The following EDRF1 variants were observed in gnomAD, a reference collection of about 807,000 sequenced individuals.
EDRF1 encodes erythroid differentiation regulatory factor 1.
EDRF1 carries 69 observed loss-of-function variants against 148.7 expected under a neutral mutation model. The observed-to-expected ratio is 0.46, with a 90% CI of 0.38 to 0.57. The LOEUF is 0.57. Among genes scored for constraint, EDRF1 ranks in the 20% least tolerant of loss-of-function variants. The pLI is 0.00. For synonymous variants in EDRF1, 515 were observed against 532.8 expected (o/e 0.97, Z 0.46); for missense variants, 1,118 against 1,478.7 (o/e 0.76, Z 4.00).
rs544594514 is a variant in EDRF1 at position 125,739,091 on chromosome 10, CT to C, written c.1981+649del. ...TGTATTTCTTTTTCCAACCTTATTTCTTTCCCCCTTTTAAATCAGTTTCAAT... is the reference window on the plus strand; with the variant it reads ...TGTATTTCTTTTTCCAACCTTATTTCTTCCCCCTTTTAAATCAGTTTCAAT... On this transcript the variant is annotated intron_variant, in intron 15 of 24. Transcript: ENST00000356792. 1.6e-4 allele frequency among the ~76,000 whole-genome samples: 24 copies of C among 151,670 alleles called. No individual in the cohort carries two copies. The South Asian group carries it at 4.8e-3, about 30-fold the overall frequency.
At chr10:125,719,942 C>T (rs1306079731) in intron 1 of EDRF1, 27 bp downstream of exon 1, 21 of 1,595,896 alleles carry the variant, frequency 1.3e-5, no homozygotes, top group South Asian at 2.2e-5. Flanking sequence ...GGGGGACCTG[C>T]CAGGGATGTG....
chr10:125,724,970 A>G (rs1364115323), intron 4 of EDRF1, among the ~76,000 whole-genome samples: 3 of 152,226 alleles, frequency 2.0e-5, no homozygotes, highest in Non-Finnish European at 4.4e-5. Flanking sequence ...ACAGTGAACA[A>G]ATCACAGGCC....
intron 1 of EDRF1, 33 bp downstream of exon 1, chr10:125,719,948 A>T (rs1191803038): frequency 1.9e-6 from 3 of 1,590,738 alleles, no homozygotes; most frequent in African/African-American, 2.7e-5. Flanking sequence ...CCTGCCAGGG[A>T]TGTGGGAGCG....
chr10:125,743,446 C>G (rs1330819425), intron 18 of EDRF1, among the ~76,000 whole-genome samples, 170 bp downstream of exon 18: 2 of 152,184 alleles, frequency 1.3e-5, no homozygotes, highest in Non-Finnish European at 2.9e-5. Context: ...ACATGATTTT[C>G]CCTTGGAATG....
chr10:125,730,630 G>A (rs1022446697), intron 9 of EDRF1, among the ~76,000 whole-genome samples: 6 of 152,200 alleles, frequency 3.9e-5, no homozygotes, highest in Non-Finnish European at 2.9e-5. Flanking sequence ...ATGAAAACCT[G>A]CATTTGTAGC....
intron 23 of EDRF1, 42 bp downstream of exon 23, chr10:125,752,956 A>T: frequency 7.2e-7 from 1 of 1,391,258 alleles, no homozygotes; most frequent in Non-Finnish European, 1.0e-6. Context: ...TGTGTGTCTT[A>T]AGCTACATGG....
chr10:125,730,680 T>G (rs561245323), intron 9 of EDRF1, among the ~76,000 whole-genome samples: 13 of 152,338 alleles, frequency 8.5e-5, no homozygotes, highest in South Asian at 6.2e-4. Flanking sequence ...TCATTAATAA[T>G]TAACTGAAAG....
chr10:125,753,070 TTTGC>T (rs1849720656), intron 23 of EDRF1, among the ~76,000 whole-genome samples, 156 bp downstream of exon 23: 1 of 152,264 alleles, frequency 6.6e-6, no homozygotes, highest in African/African-American at 2.4e-5. Flanking sequence ...ATTTGTTATA[TTTGC>T]CTGGTATTCA....
rs1016570960 is a variant in EDRF1 at position 125,738,213 on chromosome 10, A to G, written c.1831-82A>G. ...GATGGAAATTTTCCTAAACGTATTC[A>G]GTAGTCCAGATACTGTCTTATATTT... On this transcript the variant is annotated intron_variant, in intron 14 of 24. Transcript: ENST00000356792. 2.2e-5 allele frequency: 34 copies of G among 1,539,648 alleles called. No homozygotes were observed. The African/African-American group carries it at 3.1e-4, about 14-fold the overall frequency.
intron 19 of EDRF1, chr10:125,746,792 T>C (rs1364783525): frequency 1.3e-5 from 2 of 152,316 alleles, no homozygotes; most frequent in East Asian, 1.9e-4. Context: ...GGTTTCGCCA[T>C]GTTGGCCAGG....
At chr10:125,754,585 G>A (rs906795280) in intron 24 of EDRF1, among the ~76,000 whole-genome samples, 7 of 152,194 alleles carry the variant, frequency 4.6e-5, no homozygotes, top group African/African-American at 9.7e-5. Flanking sequence ...AGAGAAGAGC[G>A]CACACCTCCG....
intron 17 of EDRF1, chr10:125,742,618 T>C: frequency 1.0e-6 from 1 of 985,442 alleles, no homozygotes; most frequent in Non-Finnish European, 1.2e-6. Context: ...TTCTTTTTAC[T>C]CTAGTCCCCA....
At chr10:125,762,683 A>G (rs1850245485) in intron 24 of EDRF1, among the ~76,000 whole-genome samples, 1 of 152,172 alleles carries the variant, frequency 6.6e-6, no homozygotes, top group South Asian at 2.1e-4. Context: ...ACAGAATTGC[A>G]CTGACATTTT....
chr10:125,743,707 T>C (rs1474290531), intron 18 of EDRF1, among the ~76,000 whole-genome samples: 1 of 152,150 alleles, frequency 6.6e-6, no homozygotes, highest in African/African-American at 2.4e-5. Context: ...AGAAGGCTTT[T>C]GGGAAAGTGT....
At chr10:125,761,509 A>G (rs1396800689) in intron 24 of EDRF1, among the ~76,000 whole-genome samples, 1 of 152,232 alleles carries the variant, frequency 6.6e-6, no homozygotes, top group African/African-American at 2.4e-5. Flanking sequence ...GATCCTTTGG[A>G]TTCATGGGTT....
At chr10:125,728,072 C>T (rs901206473) in intron 6 of EDRF1, among the ~76,000 whole-genome samples, 6 of 151,596 alleles carry the variant, frequency 4.0e-5, no homozygotes, top group Middle Eastern at 3.4e-3. Context: ...CATGGTGGCA[C>T]GTGCCTGTAA....
At chr10:125,759,981 A>G (rs1300726560) in intron 24 of EDRF1, among the ~76,000 whole-genome samples, 1 of 152,196 alleles carries the variant, frequency 6.6e-6, no homozygotes, top group Non-Finnish European at 1.5e-5. Flanking sequence ...AAGTGCCGGG[A>G]TTACAAGTGT....
At chr10:125,721,974 C>G (rs893791138) in intron 2 of EDRF1, among the ~76,000 whole-genome samples, 39 of 152,176 alleles carry the variant, frequency 2.6e-4, no homozygotes, top group African/African-American at 9.2e-4. Flanking sequence ...GTAGGGTTCT[C>G]TTTTCTTCTT....
intron 1 of EDRF1, among the ~76,000 whole-genome samples, chr10:125,720,372 C>T (rs917438628): frequency 1.3e-5 from 2 of 152,230 alleles, no homozygotes; most frequent in South Asian, 2.1e-4. Flanking sequence ...CCCCCAATGC[C>T]TTTCTATGAA....
Sources: allele counts gnomAD v4.1 joint callset (sites outside exome capture counted in the v4.1 genomes callset), GRCh38; gene constraint gnomAD v4.1.1; transcripts MANE v1.5; gene names NCBI Gene and HGNC (gene_info 2026-07-23, HGNC 2026-07-21).